The following PRKCB variants were observed in gnomAD, a reference collection of about 807,000 sequenced individuals.
PRKCB encodes the protein protein kinase C beta, also known as protein kinase C beta type.
Under a neutral mutation model 81.5 loss-of-function variants are expected in PRKCB, and 13 were observed. That is an observed-to-expected ratio of 0.16 (90% CI 0.10 to 0.25). The LOEUF (loss-of-function observed/expected upper bound fraction) is 0.25, where lower values mean the gene tolerates loss of function less well. Among genes scored for constraint, PRKCB ranks in the 10% least tolerant of loss-of-function variants. The pLI, the probability that PRKCB is intolerant of heterozygous loss-of-function variation, is 1.00. For synonymous variants in PRKCB, 335 were observed against 321.4 expected (o/e 1.04, Z -0.45); for missense variants, 509 against 875.7 (o/e 0.58, Z 5.29).
At chr16:24,157,384 G>A (rs539043149) in intron 10 of PRKCB, among the ~76,000 whole-genome samples, 1 of 152,300 alleles carries the variant, frequency 6.6e-6, no homozygotes, top group East Asian at 1.9e-4. Flanking sequence ...TTACCTCCAT[G>A]CTAGTTATGA....
chr16:24,136,678 A>G (rs1441993824), intron 9 of PRKCB, among the ~76,000 whole-genome samples: 1 of 152,124 alleles, frequency 6.6e-6, no homozygotes, highest in African/African-American at 2.4e-5. Context: ...TGGACCAGGG[A>G]TCCCTAGGAT....
intron 2 of PRKCB, among the ~76,000 whole-genome samples, chr16:23,908,062 T>G: frequency 6.6e-6 from 1 of 151,940 alleles, no homozygotes; most frequent in East Asian, 1.9e-4. Flanking sequence ...AGAAAGTCCA[T>G]CTAGACGAGG....
chr16:23,891,013 G>GTGTGTATATATATATAA (rs9302419), intron 2 of PRKCB, among the ~76,000 whole-genome samples: 1 of 151,060 alleles, frequency 6.6e-6, no homozygotes, highest in Non-Finnish European at 1.5e-5. Context: ...GTGTGTGTGT[G>GTGTGTATATATATATAA]TGTGTGTGTA....
chr16:23,864,035 A>C (rs1264293195), intron 2 of PRKCB, among the ~76,000 whole-genome samples: 1 of 152,220 alleles, frequency 6.6e-6, no homozygotes, highest in Non-Finnish European at 1.5e-5. Context: ...TTCAAAACTT[A>C]GTAATAAGGA....
At chr16:24,009,124 G>A (rs986258588) in intron 3 of PRKCB, among the ~76,000 whole-genome samples, 1 of 152,096 alleles carries the variant, frequency 6.6e-6, no homozygotes, top group East Asian at 1.9e-4. Context: ...TTGCTTCCAC[G>A]TTTAGCTGTT....
At chr16:23,847,075 A>G (rs541407646) in intron 2 of PRKCB, among the ~76,000 whole-genome samples, 1 of 152,172 alleles carries the variant, frequency 6.6e-6, no homozygotes, top group South Asian at 2.1e-4. Context: ...GGCTAAGTAG[A>G]TGGAAATTAA....
In PRKCB at chr16:23,955,596, A is replaced by G. The variant is rs372236049; in HGVS notation, c.206-32912A>G. Among the ~76,000 whole-genome samples the G allele has an allele frequency of 2.2e-3, 332 of 152,282 alleles. 3 individuals carry two copies. Among genetic ancestry groups the G allele is most frequent in the African/African-American group, 7.6e-3 (315 of 41,550 alleles). On this transcript the variant is annotated intron_variant, in intron 2 of 16. Transcript: ENST00000643927. ...TGCCCAGACAGTTAGGGTTGTCCAT[A>G]ATAACAGAAAAGTGCATGGAGAGAG...
At chr16:24,140,669 G>C (rs1966889818) in intron 9 of PRKCB, among the ~76,000 whole-genome samples, 1 of 152,160 alleles carries the variant, frequency 6.6e-6, no homozygotes, top group Non-Finnish European at 1.5e-5. Context: ...AGTCAGAAAG[G>C]GAAAAGACTG....
chr16:24,153,410 A>G (rs1052647199), intron 9 of PRKCB, among the ~76,000 whole-genome samples: 33 of 152,204 alleles, frequency 2.2e-4, no homozygotes, highest in African/African-American at 6.8e-4. Flanking sequence ...GTGCTCAAAA[A>G]TGTAATGGTG....
rs1555501771 is a variant in PRKCB at position 24,193,464 on chromosome 16, T to TA, written c.1863+2237dup. 8.5e-4 allele frequency among the ~76,000 whole-genome samples: 82 copies of TA among 96,244 alleles called. 2 individuals are homozygous for TA. Among genetic ancestry groups the TA allele is most frequent in the Non-Finnish European group, 1.1e-3 (44 of 40,466 alleles). 63.1% of individuals were successfully genotyped at this position (96,244 alleles called of 152,430 possible). A position where few individuals can be genotyped will look rare whatever the true frequency, so the allele number is the denominator to read the frequency against. On this transcript the variant is annotated intron_variant, in intron 16 of 16. Transcript: ENST00000643927. ...CATCTCAAATAAATAAATAAATAAA[T>TA]AAATAAATAAATAAATAAATAAATA...
At chr16:23,918,177 G>A (rs536555337) in intron 2 of PRKCB, among the ~76,000 whole-genome samples, 1 of 152,142 alleles carries the variant, frequency 6.6e-6, no homozygotes, top group African/African-American at 2.4e-5. Flanking sequence ...GGATGGGAGG[G>A]AGCCAACAAA....
chr16:23,910,431 G>C (rs558014445), intron 2 of PRKCB, among the ~76,000 whole-genome samples: 1 of 152,014 alleles, frequency 6.6e-6, no homozygotes, highest in Non-Finnish European at 1.5e-5. Flanking sequence ...CCTTCTGATC[G>C]GGCTGAGGAG....
At chr16:24,017,883 C>T (rs1292447352) in intron 3 of PRKCB, among the ~76,000 whole-genome samples, 2 of 149,720 alleles carry the variant, frequency 1.3e-5, no homozygotes, top group South Asian at 2.1e-4. Flanking sequence ...GCATGCGCCA[C>T]CATAACTAAT....
At chr16:24,027,621 AGT>A (rs1360044056) in intron 3 of PRKCB, among the ~76,000 whole-genome samples, 1 of 152,230 alleles carries the variant, frequency 6.6e-6, no homozygotes, top group Admixed American at 6.5e-5. Flanking sequence ...GCTCTGGACG[AGT>A]ACTTCATCTG....
chr16:24,050,125 T>C (rs1444852079), intron 5 of PRKCB, among the ~76,000 whole-genome samples: 1 of 152,210 alleles, frequency 6.6e-6, no homozygotes, highest in Non-Finnish European at 1.5e-5. Context: ...AGTACAGGTA[T>C]GTTGACAGCC....
intron 10 of PRKCB, among the ~76,000 whole-genome samples, chr16:24,155,504 C>A (rs1188072401): frequency 1.3e-5 from 2 of 152,148 alleles, no homozygotes; most frequent in Non-Finnish European, 2.9e-5. Flanking sequence ...GTTTCCATAC[C>A]CAGGGATGGA....
In PRKCB at chr16:24,214,626, C is replaced by T. The variant is rs770841980; in HGVS notation, c.1864-32C>T. 2.5e-6 allele frequency: 4 copies of T among 1,573,818 alleles called. No individual in the cohort carries two copies. In the South Asian group the frequency reaches 4.6e-5, roughly 18 times the overall value. On this transcript the variant is annotated intron_variant, in intron 16 of 16. Transcript: ENST00000643927. ...CTTTTGTTTTTGTTTTTTTTCCCAC[C>T]CACCACAAGTTCTTTTCTTCCCCTC...
At chr16:23,998,675 T>C (rs1964991586) in intron 3 of PRKCB, among the ~76,000 whole-genome samples, 1 of 152,222 alleles carries the variant, frequency 6.6e-6, no homozygotes, top group Non-Finnish European at 1.5e-5. Flanking sequence ...GTAAAAGCAC[T>C]TAGGACAGTG....
At chr16:24,021,360 T>TCCCC in intron 3 of PRKCB, among the ~76,000 whole-genome samples, 1 of 64,078 alleles carries the variant, frequency 1.6e-5, no homozygotes, top group Non-Finnish European at 2.6e-5. Flanking sequence ...CCTTCCTCCT[T>TCCCC]CCCTCCCTCC....
Sources: gnomAD v4.1 joint callset for allele counts (sites outside exome capture counted in the v4.1 genomes callset) on GRCh38, gnomAD v4.1.1 for gene constraint, MANE v1.5 for transcripts, NCBI Gene and HGNC (gene_info 2026-07-23, HGNC 2026-07-21) for gene names.